The following NRXN1 variants were observed in gnomAD, a reference collection of about 807,000 sequenced individuals.
NRXN1 encodes the protein neurexin-1.
A neutral mutation model predicts 150.9 loss-of-function variants in NRXN1; 39 were observed. The observed-to-expected ratio is 0.26, with a 90% CI of 0.20 to 0.34. The LOEUF is 0.34. Among genes scored for constraint, NRXN1 ranks in the 10% least tolerant of loss-of-function variants. The pLI, the probability that NRXN1 is intolerant of heterozygous loss-of-function variation, is 1.00. For synonymous variants in NRXN1, 924 were observed against 757.0 expected (o/e 1.22, Z -3.62); for missense variants, 1,815 against 1,949.9 (o/e 0.93, Z 1.30).
chr2:50,209,163 C>A (rs1246279906), intron 18 of NRXN1, among the ~76,000 whole-genome samples: 1 of 152,056 alleles, frequency 6.6e-6, no homozygotes, highest in Non-Finnish European at 1.5e-5. Context: ...CCCTGGAGTA[C>A]TCCACTTCTT....
chr2:50,922,576 C>A (rs868777652), intron 4 of NRXN1, 82 bp downstream of exon 4: 2 of 1,341,846 alleles, frequency 1.5e-6, no homozygotes, highest in African/African-American at 1.4e-5. Flanking sequence ...AGCATTTGCC[C>A]ATCCTTTGCA....
intron 21 of NRXN1, among the ~76,000 whole-genome samples, chr2:49,995,856 G>C (rs1682877199): frequency 8.7e-6 from 1 of 115,414 alleles, no homozygotes; most frequent in South Asian, 3.1e-4. Flanking sequence ...CACCATGCTG[G>C]ATAGTAAAAA....
chr2:50,846,134 G>A (rs931563187), intron 5 of NRXN1, among the ~76,000 whole-genome samples: 2 of 152,118 alleles, frequency 1.3e-5, no homozygotes, highest in Non-Finnish European at 2.9e-5. Flanking sequence ...TTTTTTCATT[G>A]ATTTAGTCAG....
chr2:50,919,142 G>T (rs2104236597), intron 5 of NRXN1: 1 of 151,852 alleles, frequency 6.6e-6, no homozygotes, highest in South Asian at 2.1e-4. Context: ...GATTCTGCCA[G>T]CCCACAGCAG....
chr2:50,502,915 G>C (rs2092023035), intron 13 of NRXN1, among the ~76,000 whole-genome samples: 1 of 152,030 alleles, frequency 6.6e-6, no homozygotes, highest in Non-Finnish European at 1.5e-5. Context: ...CCCAAATCTT[G>C]GTCTGTATCA....
chr2:50,649,725 T>C (rs1200215483), intron 5 of NRXN1, among the ~76,000 whole-genome samples: 1 of 151,990 alleles, frequency 6.6e-6, no homozygotes, highest in Non-Finnish European at 1.5e-5. Flanking sequence ...AATATATCAT[T>C]GTCTGAAAAT....
intron 5 of NRXN1, among the ~76,000 whole-genome samples, chr2:50,910,090 G>A (rs902765983): frequency 1.3e-5 from 2 of 151,272 alleles, no homozygotes; most frequent in African/African-American, 2.4e-5. Flanking sequence ...AAAATATTTT[G>A]CAATTCTCTT....
intron 18 of NRXN1, among the ~76,000 whole-genome samples, chr2:50,119,591 A>G (rs960827339): frequency 6.6e-5 from 10 of 152,088 alleles, no homozygotes; most frequent in Admixed American, 2.0e-4. Flanking sequence ...TATCATTTGA[A>G]TGTAATATGT....
Position 50,734,712 on chromosome 2 carries a change from GA to G in NRXN1, c.833-111098del, listed in dbSNP as rs908127863. ...TGTACCTTAAAACATTTCTCACTAG[GA>G]AAAAAAAAAAATAAAGCAAACATAT... On this transcript the variant is annotated intron_variant, in intron 5 of 22. Transcript: ENST00000401669. Among the ~76,000 whole-genome samples, 252 of 138,180 alleles carry G rather than the reference GA, an allele frequency of 1.8e-3. 1 individual carries two copies. In the Middle Eastern group the frequency reaches 0.033, roughly 18 times the overall value. The allele number at this position is 138,180 out of a possible 152,430, so 90.7% of individuals were successfully genotyped here.
At chr2:50,698,016 A>G (rs1281819545) in intron 5 of NRXN1, among the ~76,000 whole-genome samples, 1 of 152,200 alleles carries the variant, frequency 6.6e-6, no homozygotes. Context: ...AGTTCATCCT[A>G]ATACCAGTCT....
rs1342130384 is a variant in NRXN1 at position 50,661,932 on chromosome 2, T to C, written c.833-38317A>G. Among the ~76,000 whole-genome samples the C allele has an allele frequency of 4.9e-4, 74 of 152,192 alleles. 1 individual carries two copies. Among genetic ancestry groups the C allele is most frequent in the Admixed American group, 4.8e-3 (74 of 15,268 alleles). ...CTTGCAGAGGCTGGGAAGGGAATTGTTTGGTCTGTCCATCACTGCAATTCC... is the reference window on the plus strand; with the variant it reads ...CTTGCAGAGGCTGGGAAGGGAATTGCTTGGTCTGTCCATCACTGCAATTCC... On this transcript the variant is annotated intron_variant, in intron 5 of 22. Coordinates refer to ENST00000401669, the MANE Select transcript of NRXN1 (RefSeq NM_001330078.2).
intron 2 of NRXN1, among the ~76,000 whole-genome samples, chr2:51,007,372 T>G (rs538367924): frequency 4.4e-4 from 67 of 152,048 alleles, no homozygotes; most frequent in Non-Finnish European, 6.9e-4. Flanking sequence ...TGACAATTTC[T>G]GAATTATTTA....
chr2:50,499,397 C>G (rs1031485512), intron 13 of NRXN1, among the ~76,000 whole-genome samples: 4 of 152,108 alleles, frequency 2.6e-5, no homozygotes, highest in Admixed American at 2.6e-4. Flanking sequence ...TCGTCTCTCT[C>G]TACCCTCACT....
At chr2:50,005,011 C>T (rs1684531927) in intron 21 of NRXN1, among the ~76,000 whole-genome samples, 1 of 152,106 alleles carries the variant, frequency 6.6e-6, no homozygotes, top group Admixed American at 6.6e-5. Flanking sequence ...AACAGTGGGA[C>T]AGCCTGTTGC....
At chr2:49,967,915 T>A (rs976145726) in intron 21 of NRXN1, among the ~76,000 whole-genome samples, 1 of 152,072 alleles carries the variant, frequency 6.6e-6, no homozygotes, top group Non-Finnish European at 1.5e-5. Flanking sequence ...TATACCTAGG[T>A]ATCATTTCAG....
intron 5 of NRXN1, among the ~76,000 whole-genome samples, chr2:50,628,553 T>C (rs1182545740): frequency 6.6e-6 from 1 of 151,748 alleles, no homozygotes; most frequent in Non-Finnish European, 1.5e-5. Context: ...TTTCATCTAA[T>C]CATTTGCTAC....
intron 21 of NRXN1, among the ~76,000 whole-genome samples, chr2:50,021,571 T>G (rs981720126): frequency 5.3e-5 from 8 of 152,284 alleles, no homozygotes; most frequent in Non-Finnish European, 8.8e-5. Flanking sequence ...AGAAATAAAT[T>G]ATTAGAGACT....
At chr2:50,084,370 A>G (rs35770825) in intron 19 of NRXN1, among the ~76,000 whole-genome samples, 47,626 of 152,096 alleles carry the variant, frequency 0.31, 8,376 homozygotes, top group African/African-American at 0.44. Context: ...AGGCAGCTAA[A>G]GCCCAGTGAG....
chr2:50,662,419 A>G (rs559470081), intron 5 of NRXN1, among the ~76,000 whole-genome samples: 5 of 152,148 alleles, frequency 3.3e-5, no homozygotes, highest in African/African-American at 1.2e-4. Flanking sequence ...GGTATTGTCC[A>G]AAAACAATTC....
Sources: allele counts gnomAD v4.1 joint callset (sites outside exome capture counted in the v4.1 genomes callset), GRCh38; gene constraint gnomAD v4.1.1; transcripts MANE v1.5; gene names NCBI Gene and HGNC (gene_info 2026-07-23, HGNC 2026-07-21).